IGFL2: variants seen among roughly 807,000 people sequenced by gnomAD.
IGFL2 encodes the protein IGF like family member 2.
IGFL2 carries 7 observed loss-of-function variants against 13.9 expected under a neutral mutation model. The observed-to-expected ratio is 0.51, with a 90% confidence interval of 0.29 to 0.95. The LOEUF is 0.95. Ranked by LOEUF, IGFL2 falls within the 40% of genes least tolerant of loss-of-function variation. IGFL2 has a pLI of 0.08. For missense variants in IGFL2, 138 were observed against 147.8 expected (o/e 0.93, Z 0.34); for synonymous variants, 55 against 55.8 (o/e 0.99, Z 0.07).
the IGFL2 span, among the ~76,000 whole-genome samples, chr19:46,177,270 A>G: frequency 6.6e-6 from 1 of 152,050 alleles, no homozygotes; most frequent in Non-Finnish European, 1.5e-5. Flanking sequence ...GTGGGCACCT[A>G]TAATCCCAGC....
chr19:46,191,473 G>T, the IGFL2 span, among the ~76,000 whole-genome samples: 81 of 152,180 alleles, frequency 5.3e-4, 1 homozygote, highest in Non-Finnish European at 1.0e-4. Context: ...AGGACTAGGT[G>T]GTGGTGGGAA....
chr19:46,204,219 C>T, the IGFL2 span: 1 of 152,178 alleles, frequency 6.6e-6, no homozygotes, highest in Non-Finnish European at 1.5e-5. Context: ...GCTCAGGTCT[C>T]CCACCAGCAG....
chr19:46,194,341 A>G, the IGFL2 span, among the ~76,000 whole-genome samples: 16 of 152,072 alleles, frequency 1.1e-4, no homozygotes, highest in Non-Finnish European at 2.1e-4. Flanking sequence ...AAGGCTGTCA[A>G]TCTCTTTGTT....
chr19:46,140,066 C>T (rs1972790456), upstream of IGFL2, among the ~76,000 whole-genome samples: 1 of 152,070 alleles, frequency 6.6e-6, no homozygotes. Context: ...TCTCCTGCCT[C>T]AGCCTCCTGA....
the IGFL2 span, among the ~76,000 whole-genome samples, chr19:46,213,174 G>A: frequency 6.6e-6 from 1 of 152,284 alleles, no homozygotes; most frequent in South Asian, 2.1e-4. Context: ...GGGGGAGGGC[G>A]GTAACTATAG....
the IGFL2 span, among the ~76,000 whole-genome samples, chr19:46,134,034 A>G: frequency 1.3e-5 from 2 of 152,296 alleles, no homozygotes; most frequent in South Asian, 4.1e-4. Flanking sequence ...GGGGTAGGGT[A>G]TGCAGGCTGG....
At chr19:46,131,756 T>C in the IGFL2 span, among the ~76,000 whole-genome samples, 1 of 152,160 alleles carries the variant, frequency 6.6e-6, no homozygotes, top group Non-Finnish European at 1.5e-5. Flanking sequence ...CTGGCTAATA[T>C]GGTGAAACCC....
the IGFL2 span, among the ~76,000 whole-genome samples, chr19:46,101,610 G>C: frequency 3.9e-5 from 6 of 152,262 alleles, no homozygotes; most frequent in African/African-American, 1.2e-4. Flanking sequence ...CTGTAGTGAT[G>C]GCTGTTGCCC....
chr19:46,131,279 G>C, the IGFL2 span, among the ~76,000 whole-genome samples: 5 of 152,118 alleles, frequency 3.3e-5, no homozygotes, highest in Non-Finnish European at 7.4e-5. Context: ...TTTCTAGGTA[G>C]TGTCTGGTTC....
chr19:46,211,260 A>G, the IGFL2 span, among the ~76,000 whole-genome samples: 1 of 152,220 alleles, frequency 6.6e-6, no homozygotes, highest in Non-Finnish European at 1.5e-5. Flanking sequence ...GGCTTTGGTC[A>G]ACAGAAGCCA....
chr19:46,198,081 T>C, the IGFL2 span: 1 of 138,324 alleles, frequency 7.2e-6, no homozygotes, highest in African/African-American at 2.8e-5. Flanking sequence ...CCTTCCTTCC[T>C]TCCTTTCTTT....
chr19:46,129,772 G>T, the IGFL2 span, among the ~76,000 whole-genome samples: 16 of 151,988 alleles, frequency 1.1e-4, no homozygotes, highest in African/African-American at 3.9e-4. Context: ...GGAGTGTTTC[G>T]TGTCTGATTA....
chr19:46,146,514 G>A (rs1973145760), upstream of IGFL2, among the ~76,000 whole-genome samples: 1 of 152,008 alleles, frequency 6.6e-6, no homozygotes, highest in Non-Finnish European at 1.5e-5. Context: ...GGTTTGATTG[G>A]AATTGTGTTA....
the IGFL2 span, among the ~76,000 whole-genome samples, chr19:46,176,571 A>T: frequency 6.6e-6 from 1 of 152,330 alleles, no homozygotes; most frequent in African/African-American, 2.4e-5. Flanking sequence ...CCATTGCTGC[A>T]GAAAGGGAGC....
chr19:46,206,126 A>G, the IGFL2 span, among the ~76,000 whole-genome samples: 18 of 152,164 alleles, frequency 1.2e-4, no homozygotes, highest in African/African-American at 4.3e-4. Context: ...TTGCTGAGAG[A>G]GGGACTCTTG....
chr19:46,128,210 C>T, the IGFL2 span, among the ~76,000 whole-genome samples: 6 of 152,206 alleles, frequency 3.9e-5, no homozygotes, highest in Middle Eastern at 3.4e-3. Flanking sequence ...CCTGCAACTT[C>T]GCTGAAGTTG....
the IGFL2 span, chr19:46,111,463 G>A: frequency 6.6e-6 from 1 of 152,182 alleles, no homozygotes; most frequent in Non-Finnish European, 1.5e-5. Context: ...AACACTGAGA[G>A]GTATTCATAT....
downstream of IGFL2, among the ~76,000 whole-genome samples, chr19:46,165,354 C>T (rs1974348529): frequency 6.6e-6 from 1 of 152,214 alleles, no homozygotes; most frequent in South Asian, 2.1e-4. Context: ...CATATCATGC[C>T]TTACAGCAAA....
At chr19:46,087,002 G>A in the IGFL2 span, among the ~76,000 whole-genome samples, 58 of 152,266 alleles carry the variant, frequency 3.8e-4, no homozygotes, top group Middle Eastern at 3.4e-3. Context: ...CCAGGTTTTG[G>A]GCCACGGTGG....
Sources: allele counts gnomAD v4.1 joint callset (sites outside exome capture counted in the v4.1 genomes callset), GRCh38; gene constraint gnomAD v4.1.1; transcripts MANE v1.5; gene names NCBI Gene and HGNC (gene_info 2026-07-23, HGNC 2026-07-21).